The following TNPO1 variants were observed in gnomAD, a reference collection of about 807,000 sequenced individuals.
TNPO1 encodes transportin-1.
In TNPO1, 8 loss-of-function variants were observed where a neutral mutation model predicts 119.5. The ratio of observed to expected loss-of-function variants is 0.07; its 90% CI spans 0.04 to 0.12. The LOEUF is 0.12. Ranked by LOEUF, TNPO1 falls within the 10% of genes least tolerant of loss-of-function variation. The pLI is 1.00. For missense variants in TNPO1, 576 were observed against 1,089.8 expected (o/e 0.53, Z 6.64); for synonymous variants, 362 against 363.0 (o/e 1.00, Z 0.03).
At chr5:72,881,112 T>A (rs1425830870) in intron 9 of TNPO1, among the ~76,000 whole-genome samples, 4 of 152,010 alleles carry the variant, frequency 2.6e-5, no homozygotes, top group Admixed American at 6.6e-5. Flanking sequence ...GATTCTTTTT[T>A]TTATTATTAT....
rs1744786569 is a variant in TNPO1, at chr5:72,838,503, G to A, written c.16-9882G>A. On this transcript the variant is annotated intron_variant, in intron 1 of 24. Transcript: ENST00000337273. ...TAACAATTTCAGATGTGTTTCACAGGAAAATATTTGGCTATTTGCATCATA... is the reference window on the plus strand; with the variant it reads ...TAACAATTTCAGATGTGTTTCACAGAAAAATATTTGGCTATTTGCATCATA... Among the ~76,000 whole-genome samples, 8 of 152,170 alleles carry A rather than the reference G, an allele frequency of 5.3e-5. 1 individual carries two copies. The South Asian group carries it at 1.7e-3, about 32-fold the overall frequency.
At chr5:72,856,439 G>A (rs1346533793) in intron 4 of TNPO1, among the ~76,000 whole-genome samples, 1 of 151,840 alleles carries the variant, frequency 6.6e-6, no homozygotes, top group Non-Finnish European at 1.5e-5. Context: ...TACCATGTTG[G>A]CCAGGCTGGT....
chr5:72,901,213 C>A, intron 22 of TNPO1, 140 bp downstream of exon 22: 2 of 524,246 alleles, frequency 3.8e-6, no homozygotes, highest in African/African-American at 2.0e-5. Flanking sequence ...ATGTATATTT[C>A]TTAATATCTT....
At chr5:72,903,622 TG>T (rs1169404948) in intron 22 of TNPO1, 86 bp from the exon 23 acceptor site, 5 of 815,406 alleles carry the variant, frequency 6.1e-6, no homozygotes, top group Non-Finnish European at 9.8e-6. Flanking sequence ...GATTCTATTG[TG>T]ACATAAACTC....
chr5:72,838,458 AATC>A (rs1225100580), intron 1 of TNPO1, among the ~76,000 whole-genome samples: 5 of 152,198 alleles, frequency 3.3e-5, no homozygotes, highest in Non-Finnish European at 7.4e-5. Context: ...TAAAATATTG[AATC>A]ATACCTTTTA....
chr5:72,892,082 T>G (rs1749101115), intron 15 of TNPO1, among the ~76,000 whole-genome samples, 186 bp downstream of exon 15: 1 of 152,122 alleles, frequency 6.6e-6, no homozygotes, highest in African/African-American at 2.4e-5. Context: ...TAAGTTCTCT[T>G]ATGTTATCTA....
At chr5:72,842,151 C>T (rs1395088101) in intron 1 of TNPO1, among the ~76,000 whole-genome samples, 1 of 152,108 alleles carries the variant, frequency 6.6e-6, no homozygotes, top group Non-Finnish European at 1.5e-5. Context: ...TCTATTATGA[C>T]TTTTATGATG....
At chr5:72,900,878 A>C in intron 21 of TNPO1, 96 bp from the exon 22 acceptor site, 1 of 731,352 alleles carries the variant, frequency 1.4e-6, no homozygotes, top group South Asian at 2.7e-5. Context: ...ATCATTATCT[A>C]TACTGTGGTG....
intron 15 of TNPO1, among the ~76,000 whole-genome samples, chr5:72,892,829 G>A (rs1428014617): frequency 2.6e-5 from 4 of 152,018 alleles, no homozygotes; most frequent in Admixed American, 2.6e-4. Flanking sequence ...GACCAGGATG[G>A]GAGCATGAAA....
chr5:72,848,302 C>T (rs548622929), intron 1 of TNPO1, 83 bp from the exon 2 acceptor site: 3 of 1,405,288 alleles, frequency 2.1e-6, no homozygotes, highest in Non-Finnish European at 2.8e-6. Context: ...GAGAACGGGT[C>T]AGCTGCGCGC....
At chr5:72,818,085 T>G (rs561335843) in intron 1 of TNPO1, among the ~76,000 whole-genome samples, 3 of 152,252 alleles carry the variant, frequency 2.0e-5, no homozygotes, top group Non-Finnish European at 4.4e-5. Context: ...TTATACTAGC[T>G]TGGCAGTACG....
intron 10 of TNPO1, 143 bp from the exon 11 acceptor site, chr5:72,882,921 G>C (rs1159119916): frequency 1.5e-6 from 1 of 669,972 alleles, no homozygotes; most frequent in Non-Finnish European, 2.7e-6. Flanking sequence ...TTCTGTACAT[G>C]GGCGTGGTTC....
In TNPO1 at chr5:72,900,731, G is replaced by A. The variant is rs141054183; in HGVS notation, c.2415-243G>A. On this transcript the variant is annotated intron_variant, in intron 21 of 24. Coordinates refer to ENST00000337273, the MANE Select transcript of TNPO1 (RefSeq NM_002270.4). ...TAGTTTAAATGGGAGATTCAAATTA[G>A]TTATCTACTTTATAAATGCAATTTA... The A allele has an allele frequency of 1.2e-3, 341 of 289,998 alleles. 2 individuals are homozygous for A. Among genetic ancestry groups the A allele is most frequent in the African/African-American group, 7.1e-3 (326 of 45,918 alleles). The allele number at this position is 289,998 out of a possible 1,614,324, so 18.0% of individuals were successfully genotyped here. A position where few individuals can be genotyped will look rare whatever the true frequency, so the allele number is the denominator to read the frequency against.
chr5:72,869,661 AT>A (rs1364082413), intron 6 of TNPO1, among the ~76,000 whole-genome samples: 1 of 152,226 alleles, frequency 6.6e-6, no homozygotes, highest in African/African-American at 2.4e-5. Context: ...AGAATTGAAA[AT>A]ATACATGATT....
intron 18 of TNPO1, among the ~76,000 whole-genome samples, chr5:72,894,749 G>C (rs943098142): frequency 6.6e-6 from 1 of 152,080 alleles, no homozygotes; most frequent in African/African-American, 2.4e-5. Flanking sequence ...ATATAATTGT[G>C]CTTTTGGATA....
intron 1 of TNPO1, among the ~76,000 whole-genome samples, chr5:72,846,078 T>C (rs1011475596): frequency 6.6e-6 from 1 of 152,256 alleles, no homozygotes; most frequent in Non-Finnish European, 1.5e-5. Flanking sequence ...ACATTCATAT[T>C]GTTGGCGTGT....
In TNPO1 at chr5:72,888,313, A is replaced by T. The variant is rs1212963697; in HGVS notation, c.1529+10A>T. 6 of 1,608,726 alleles carry T rather than the reference A, an allele frequency of 3.7e-6. No homozygotes were observed. Among genetic ancestry groups the T allele is most frequent in the Non-Finnish European group, 5.1e-6 (6 of 1,175,338 alleles). The stretch of plus-strand genomic sequence containing the variant: ...AAGAAGCTGCCTGCAGGTGGGACAG[A>T]TTCATAACACAGTGTTCTTTGTGGC... On this transcript the variant is annotated intron_variant, in intron 13 of 24. Transcript: ENST00000337273.
In TNPO1 at chr5:72,911,238, A is replaced by G. The variant is rs1447292330; in HGVS notation, c.*2565A>G. On this transcript the variant is annotated 3_prime_UTR_variant, in exon 25 of 25. Transcript: ENST00000337273. ...TGTATTGACTAAAGGCAATATTGTC[A>G]CCTGTCTCATTAAAAATTAGTTTCC... The G allele has an allele frequency of 6.6e-6, 1 of 152,110 alleles. No individual in the cohort carries two copies. The highest frequency in any genetic ancestry group is 1.5e-5 in the Non-Finnish European group (1 of 67,960). 9.4% of individuals were successfully genotyped at this position (152,110 alleles called of 1,614,324 possible).
At chr5:72,826,589 A>T (rs1580361588) in intron 1 of TNPO1, among the ~76,000 whole-genome samples, 1 of 152,196 alleles carries the variant, frequency 6.6e-6, no homozygotes, top group East Asian at 1.9e-4. Flanking sequence ...CTTAGTAAGT[A>T]TTTGTTAAAT....
Sources: gnomAD v4.1 joint callset for allele counts (sites outside exome capture counted in the v4.1 genomes callset) on GRCh38, gnomAD v4.1.1 for gene constraint, MANE v1.5 for transcripts, NCBI Gene and HGNC (gene_info 2026-07-23, HGNC 2026-07-21) for gene names.